NAT1: variants seen among roughly 807,000 people sequenced by gnomAD.
NAT1 encodes arylamine N-acetyltransferase 1.
For synonymous variants in NAT1, 144 were observed against 122.6 expected, an observed-to-expected ratio of 1.17 and a Z score of -1.16; for missense variants, 400 against 339.2, an observed-to-expected ratio of 1.18 and a Z score of -1.41.
intron 2 of NAT1, among the ~76,000 whole-genome samples, chr8:18,200,722 G>A (rs1047454989): frequency 6.6e-6 from 1 of 151,984 alleles, no homozygotes; most frequent in Admixed American, 6.6e-5. Flanking sequence ...CACTGTACGG[G>A]ATTGATTAAT....
rs544504144 is a variant in NAT1 at position 18,173,872 on chromosome 8, A to G, written n.92+3133A>G. Among the ~76,000 whole-genome samples, 5 of 152,300 alleles carry G rather than the reference A, an allele frequency of 3.3e-5. No homozygotes were observed. The South Asian group carries it at 1.0e-3, about 32-fold the overall frequency. ...ATTGACATTTTAAAAATCAAACAATATGCACCCCATATTATAGTTATAGTT... is the reference window on the plus strand; with the variant it reads ...ATTGACATTTTAAAAATCAAACAATGTGCACCCCATATTATAGTTATAGTT... On this transcript the variant is annotated intron_variant and non_coding_transcript_variant, in intron 2 of 4. Coordinates refer to the NAT1 transcript ENST00000517441.
chr8:18,175,935 A>C (rs940195522), intron 2 of NAT1, among the ~76,000 whole-genome samples: 1 of 152,014 alleles, frequency 6.6e-6, no homozygotes, highest in Non-Finnish European at 1.5e-5. Context: ...ATTGTGTTTT[A>C]AATTTACATT....
chr8:18,196,513 T>C (rs144458175), intron 2 of NAT1, among the ~76,000 whole-genome samples: 9 of 152,344 alleles, frequency 5.9e-5, no homozygotes, highest in African/African-American at 2.2e-4. Flanking sequence ...AGATGCTTTA[T>C]AGGACCTTAA....
At chr8:18,190,909 A>C (rs544242705) in intron 2 of NAT1, among the ~76,000 whole-genome samples, 11 of 152,082 alleles carry the variant, frequency 7.2e-5, no homozygotes, top group African/African-American at 2.7e-4. Flanking sequence ...TCTACTAAAA[A>C]TACAAAAATT....
At chr8:18,199,792 T>G (rs1803387150) in intron 2 of NAT1, among the ~76,000 whole-genome samples, 3 of 152,118 alleles carry the variant, frequency 2.0e-5, no homozygotes, top group African/African-American at 7.2e-5. Context: ...TCTTTGTGCA[T>G]TTAGGTAAGA....
At position 18,196,863 on chromosome 8, in the gene NAT1, T is replaced by C. The variant is rs530782056; in HGVS notation, n.93-12918T>C. Among the ~76,000 whole-genome samples the C allele has an allele frequency of 7.9e-5, 12 of 152,320 alleles. No homozygotes were observed. The South Asian group carries it at 2.1e-3, about 26-fold the overall frequency. On this transcript the variant is annotated intron_variant and non_coding_transcript_variant, in intron 2 of 4. Transcript: ENST00000517441. ...TAGTATCTGTATGTGATGTTAGAGT[T>C]CACAAGCACTATCATCAATTTCCAT...
At chr8:18,219,715 C>T (rs1170423691) in intron 2 of NAT1, among the ~76,000 whole-genome samples, 2 of 152,206 alleles carry the variant, frequency 1.3e-5, no homozygotes, top group Admixed American at 6.5e-5. Flanking sequence ...GTTAATAATG[C>T]ACAATTTCTT....
intron 2 of NAT1, among the ~76,000 whole-genome samples, chr8:18,177,211 G>A (rs138750045): frequency 9.9e-5 from 15 of 152,050 alleles, no homozygotes; most frequent in Middle Eastern, 3.4e-3. Context: ...TTAACGCTCA[G>A]AATTACAGTA....
intron 2 of NAT1, among the ~76,000 whole-genome samples, chr8:18,189,514 A>G (rs1012501399): frequency 2.0e-5 from 3 of 152,170 alleles, no homozygotes; most frequent in Admixed American, 2.0e-4. Flanking sequence ...TCAAATATTC[A>G]CTACTAGTAG....
chr8:18,221,703 A>C (rs529286459), intron 2 of NAT1: 1 of 210,250 alleles, frequency 4.8e-6, no homozygotes, highest in African/African-American at 2.3e-5. Context: ...ACATCAGAAG[A>C]CGTTTATAAG....
chr8:18,204,979 C>T (rs1316466663), intron 2 of NAT1, among the ~76,000 whole-genome samples: 2 of 152,314 alleles, frequency 1.3e-5, no homozygotes, highest in East Asian at 1.9e-4. Context: ...GGACTGTATG[C>T]TCTAACTATG....
At chr8:18,205,061 T>A (rs1803648959) in intron 2 of NAT1, among the ~76,000 whole-genome samples, 1 of 152,044 alleles carries the variant, frequency 6.6e-6, no homozygotes, top group Non-Finnish European at 1.5e-5. Flanking sequence ...TTGAGGGGGG[T>A]CGAGGTACTC....
chr8:18,181,007 AC>A lies in NAT1; in HGVS notation n.92+10269del, dbSNP rs561153329. Among the ~76,000 whole-genome samples the A allele has an allele frequency of 3.5e-3, 537 of 152,252 alleles. 4 individuals are homozygous for A. Among genetic ancestry groups the A allele is most frequent in the African/African-American group, 0.013 (524 of 41,562 alleles). ...TTCAGGGTCTTTTGTAGTTCTATACACATTTTAGAATTTTTTTTCTATTTCT... is the reference window on the plus strand; with the variant it reads ...TTCAGGGTCTTTTGTAGTTCTATACAATTTTAGAATTTTTTTTCTATTTCT... On this transcript the variant is annotated intron_variant and non_coding_transcript_variant, in intron 2 of 4. Transcript: ENST00000517441.
intron 2 of NAT1, among the ~76,000 whole-genome samples, chr8:18,174,275 A>T (rs60345769): frequency 6.6e-6 from 1 of 152,160 alleles, no homozygotes; most frequent in Non-Finnish European, 1.5e-5. Flanking sequence ...ATCACTGATT[A>T]CAACATTCTC....
At chr8:18,203,550 C>T (rs915747047) in intron 2 of NAT1, among the ~76,000 whole-genome samples, 2 of 152,152 alleles carry the variant, frequency 1.3e-5, no homozygotes, top group African/African-American at 4.8e-5. Flanking sequence ...ATTTCAGGCT[C>T]TAAACAAATG....
chr8:18,193,952 T>G (rs1049573621), intron 2 of NAT1, among the ~76,000 whole-genome samples: 5 of 152,166 alleles, frequency 3.3e-5, no homozygotes, highest in African/African-American at 9.7e-5. Context: ...AAACCTGCTA[T>G]TTTTAAAAAC....
chr8:18,205,146 A>G (rs1010450085), upstream of NAT1, among the ~76,000 whole-genome samples: 5 of 152,206 alleles, frequency 3.3e-5, no homozygotes, highest in Admixed American at 3.3e-4. Flanking sequence ...AGCAAGATCC[A>G]TTCTTGCTCA....
At chr8:18,172,176 G>A (rs890399425) in intron 2 of NAT1, among the ~76,000 whole-genome samples, 1 of 152,156 alleles carries the variant, frequency 6.6e-6, no homozygotes, top group Non-Finnish European at 1.5e-5. Context: ...AGCTAATCGG[G>A]AGTTAATGCT....
intron 1 of NAT1, among the ~76,000 whole-genome samples, chr8:18,218,424 G>C (rs1165148535): frequency 6.6e-6 from 1 of 152,124 alleles, no homozygotes; most frequent in Non-Finnish European, 1.5e-5. Flanking sequence ...TTGCGGCGGG[G>C]GAGCTGAACC....
Sources: gnomAD v4.1 joint callset for allele counts (sites outside exome capture counted in the v4.1 genomes callset) on GRCh38, gnomAD v4.1.1 for gene constraint, MANE v1.5 for transcripts, NCBI Gene and HGNC (gene_info 2026-07-23, HGNC 2026-07-21) for gene names.